The following PLEKHA6 variants were observed in gnomAD, a reference collection of about 807,000 sequenced individuals.
PLEKHA6 encodes pleckstrin homology domain containing A6.
A neutral mutation model predicts 116.7 loss-of-function variants in PLEKHA6; 60 were observed. The ratio of observed to expected loss-of-function variants is 0.51; its 90% confidence interval spans 0.42 to 0.64. PLEKHA6 has a LOEUF of 0.64. PLEKHA6 is among the 30% of genes least tolerant of loss of function. PLEKHA6 has a pLI of 0.00. For synonymous variants in PLEKHA6, 489 were observed against 556.1 expected (o/e 0.88, Z 1.70); for missense variants, 1,338 against 1,422.7 (o/e 0.94, Z 0.96).
Position 204,258,877 on chromosome 1 carries a change from G to A in PLEKHA6, c.1007+381C>T, listed in dbSNP as rs58975580. Among the ~76,000 whole-genome samples, 825 of 152,300 alleles carry A rather than the reference G, an allele frequency of 5.4e-3. 3 individuals are homozygous for A. The highest frequency in any genetic ancestry group is 0.014 in the Middle Eastern group (4 of 294). On this transcript the variant is annotated intron_variant, in intron 8 of 22. Transcript: ENST00000272203. ...GCAGTTAGTGAGTCTCAAGTGGGTGGAGCACTGGGGAGAGGATGTTGTAGG... is the reference window on the plus strand; with the variant it reads ...GCAGTTAGTGAGTCTCAAGTGGGTGAAGCACTGGGGAGAGGATGTTGTAGG...
chr1:204,224,383 T>C lies in PLEKHA6; in HGVS notation c.3032-798A>G, dbSNP rs1247911865. On this transcript the variant is annotated intron_variant, in intron 21 of 22. Coordinates refer to ENST00000272203, the MANE Select transcript of PLEKHA6 (RefSeq NM_014935.5). ...TCACTGTAGCCGCGAGGCAGGAGGA[T>C]GGCAGAGACAACATCCTCACTCAGG... 2.0e-5 allele frequency among the ~76,000 whole-genome samples: 3 copies of C among 151,948 alleles called. No individual in the cohort carries two copies. In the East Asian group the frequency reaches 5.8e-4, roughly 29 times the overall value.
intron 1 of PLEKHA6, among the ~76,000 whole-genome samples, chr1:204,304,104 TAAC>T (rs1182143810): frequency 6.6e-6 from 1 of 152,214 alleles, no homozygotes; most frequent in Non-Finnish European, 1.5e-5. Flanking sequence ...ACCACCCAGT[TAAC>T]AACATGTTTC....
intron 5 of PLEKHA6, 45 bp from the exon 6 acceptor site, chr1:204,265,087 A>ACGCACACGCTTGCAC: frequency 2.3e-6 from 3 of 1,319,432 alleles, no homozygotes; most frequent in Non-Finnish European, 3.3e-6. Context: ...GTGTGTGTGC[A>ACGCACACGCTTGCAC]AGCGTGTGCG....
chr1:204,252,873 A>G (rs1664747395), intron 9 of PLEKHA6, among the ~76,000 whole-genome samples: 2 of 152,238 alleles, frequency 1.3e-5, no homozygotes, highest in South Asian at 4.1e-4. Flanking sequence ...ATCCATGCAC[A>G]GTAACCTGTA....
chr1:204,323,288 A>G (rs998762193), intron 1 of PLEKHA6, among the ~76,000 whole-genome samples: 2 of 152,222 alleles, frequency 1.3e-5, no homozygotes, highest in African/African-American at 4.8e-5. Flanking sequence ...CTAGCACCTG[A>G]CATTTAATAG....
Position 204,249,337 on chromosome 1 carries a change from G to A in PLEKHA6, c.1594-73C>T, listed in dbSNP as rs1311852330. 4.5e-6 allele frequency: 5 copies of A among 1,107,568 alleles called. No homozygotes were observed. The Admixed American group carries it at 5.1e-5, about 11-fold the overall frequency. 68.6% of individuals were successfully genotyped at this position (1,107,568 alleles called of 1,614,324 possible). ...AGGACATAGTTTGATGGGGACCTGG[G>A]AGTTATAGGCCTGGCCTCTGGATAC... On this transcript the variant is annotated intron_variant, in intron 10 of 22. Coordinates refer to ENST00000272203, the MANE Select transcript of PLEKHA6 (RefSeq NM_014935.5).
rs188576831 is a variant in PLEKHA6 at position 204,282,382 on chromosome 1, T to C, written c.-94-7573A>G. Reference sequence around the variant, plus strand: ...TGCTGAAAAATGAAGACAACCAGAGTAGATAGCATAACTCTGCCAGTGATT... The same window carrying C: ...TGCTGAAAAATGAAGACAACCAGAGCAGATAGCATAACTCTGCCAGTGATT... On this transcript the variant is annotated intron_variant, in intron 1 of 22. Coordinates refer to ENST00000272203, the MANE Select transcript of PLEKHA6 (RefSeq NM_014935.5). Among the ~76,000 whole-genome samples, 5 of 151,996 alleles carry C rather than the reference T, an allele frequency of 3.3e-5. No homozygotes were observed. In the East Asian group the frequency reaches 5.8e-4, roughly 18 times the overall value.
At chr1:204,373,530 G>A (rs147514703) in intron 1 of PLEKHA6, among the ~76,000 whole-genome samples, 8 of 152,202 alleles carry the variant, frequency 5.3e-5, no homozygotes, top group African/African-American at 1.7e-4. Context: ...TCTGACTTTC[G>A]TGCTTTTTTC....
At chr1:204,317,758 C>T (rs75776438) in intron 1 of PLEKHA6, among the ~76,000 whole-genome samples, 7 of 152,174 alleles carry the variant, frequency 4.6e-5, no homozygotes, top group Non-Finnish European at 7.3e-5. Context: ...CAGAATAGAA[C>T]GTAGTGTATA....
intron 1 of PLEKHA6, among the ~76,000 whole-genome samples, chr1:204,345,259 A>G (rs1672995512): frequency 6.6e-6 from 1 of 152,134 alleles, no homozygotes; most frequent in South Asian, 2.1e-4. Flanking sequence ...TTGATACAAA[A>G]AAGTCCTTCC....
chr1:204,352,374 C>CAA (rs35132900), intron 1 of PLEKHA6, among the ~76,000 whole-genome samples: 6,622 of 139,482 alleles, frequency 0.047, 226 homozygotes, highest in Middle Eastern at 0.1. Context: ...GACTCCGTCT[C>CAA]AAAAAAAAAA....
Position 204,268,254 on chromosome 1 carries a change from C to T in PLEKHA6, c.161G>A (p.Arg54Gln), listed in dbSNP as rs761286930. 13 of 1,612,336 alleles carry T rather than the reference C, an allele frequency of 8.1e-6. No homozygotes were observed. The highest frequency in any genetic ancestry group is 9.3e-6 in the Non-Finnish European group (11 of 1,179,376). The part of the protein sequence containing the change: ...AFGKRSHSMK[R>Q]NPNAPVTKAG... ...CTTGGTGACAGGTGCATTGGGGTTC[C>T]GCTTCATGGAGTGTGAGCGCTTGCC... Residue 54 changes from arginine to glutamine, a missense_variant, in exon 4 of 23, where the codon CGG becomes CAG. Arg to Gln is a conservative substitution (Grantham distance 43, BLOSUM62 1). Coordinates refer to ENST00000272203, the MANE Select transcript of PLEKHA6 (RefSeq NM_014935.5).
In PLEKHA6 at chr1:204,247,359, C is replaced by G. The variant is rs1347812591; in HGVS notation, c.1920+6G>C. ...AATCCCCGCCAGCTCAGGGGCCCTTCTTCACCTGGGTGTCCAAATTGAGCT... is the reference window on the plus strand; with the variant it reads ...AATCCCCGCCAGCTCAGGGGCCCTTGTTCACCTGGGTGTCCAAATTGAGCT... On this transcript the variant is annotated splice_donor_region_variant and intron_variant, in intron 13 of 22. Coordinates refer to ENST00000272203, the MANE Select transcript of PLEKHA6 (RefSeq NM_014935.5). 1.3e-6 allele frequency: 2 copies of G among 1,595,412 alleles called. No individual in the cohort carries two copies. Among genetic ancestry groups the G allele is most frequent in the Non-Finnish European group, 8.6e-7 (1 of 1,163,354 alleles).
At chr1:204,266,707 G>A (rs573137672) in intron 5 of PLEKHA6, among the ~76,000 whole-genome samples, 4 of 152,298 alleles carry the variant, frequency 2.6e-5, no homozygotes, top group African/African-American at 7.2e-5. Flanking sequence ...TTGCTCCCAC[G>A]AGGACTGGAA....
chr1:204,227,042 G>T (rs1175198654), intron 21 of PLEKHA6, among the ~76,000 whole-genome samples: 1 of 152,194 alleles, frequency 6.6e-6, no homozygotes, highest in Non-Finnish European at 1.5e-5. Flanking sequence ...GAATTTCACA[G>T]ATGAGGAAAT....
At chr1:204,348,924 A>G (rs1404220867) in intron 1 of PLEKHA6, among the ~76,000 whole-genome samples, 1 of 152,180 alleles carries the variant, frequency 6.6e-6, no homozygotes, top group Admixed American at 6.5e-5. Flanking sequence ...CCTGACACCA[A>G]GTCTGCCCTC....
At chr1:204,229,127 T>C in intron 18 of PLEKHA6, 23 bp from the exon 19 acceptor site, 1 of 1,605,788 alleles carries the variant, frequency 6.2e-7, no homozygotes, top group East Asian at 2.2e-5. Flanking sequence ...AGCATCGTGA[T>C]TGCACCATGG....
chr1:204,366,738 G>T (rs1330020892), intron 3 of PLEKHA6, among the ~76,000 whole-genome samples: 3 of 152,204 alleles, frequency 2.0e-5, no homozygotes, highest in Non-Finnish European at 4.4e-5. Context: ...TCCAGCCTGG[G>T]TGACAGAGTG....
Position 204,222,020 on chromosome 1 carries a change from A to ATCTCTCTCTCTCTCTCTCTCTCTCTCTC in PLEKHA6, c.*740_*767dup, listed in dbSNP as rs66501941. 1 of 133,732 alleles carries ATCTCTCTCTCTCTCTCTCTCTCTCTCTC rather than the reference A, an allele frequency of 7.5e-6. No homozygotes were observed. The highest frequency in any genetic ancestry group is 2.9e-5 in the African/African-American group (1 of 34,994). 8.3% of individuals were successfully genotyped at this position (133,732 alleles called of 1,614,324 possible). ...GCTTCCCCCTCCTTCCACTCTGAGG[A>ATCTCTCTCTCTCTCTCTCTCTCTCTCTC]TCTCTCTCTCTCTCTCTCTCTCTCT... On this transcript the variant is annotated 3_prime_UTR_variant, in exon 23 of 23. Transcript: ENST00000272203.
Sources: allele counts gnomAD v4.1 joint callset (sites outside exome capture counted in the v4.1 genomes callset), GRCh38; gene constraint gnomAD v4.1.1; transcripts MANE v1.5; gene names NCBI Gene and HGNC (gene_info 2026-07-23, HGNC 2026-07-21).